CALN1: variants seen among roughly 807,000 people sequenced by gnomAD.
CALN1 encodes calneuron 1.
CALN1 carries 17 observed loss-of-function variants against 30.6 expected under a neutral mutation model. That is an observed-to-expected ratio of 0.56 (90% CI 0.38 to 0.83). CALN1 has a LOEUF of 0.83. Ranked by LOEUF, CALN1 falls within the 40% of genes least tolerant of loss-of-function variation. CALN1 has a pLI of 0.00. For missense variants in CALN1, 291 were observed against 354.9 expected, an observed-to-expected ratio of 0.82 and a Z score of 1.45; for synonymous variants, 156 against 131.4, an observed-to-expected ratio of 1.19 and a Z score of -1.28.
chr7:72,463,526 T>C, the CALN1 span, among the ~76,000 whole-genome samples: 3 of 152,254 alleles, frequency 2.0e-5, no homozygotes, highest in Admixed American at 6.5e-5. Flanking sequence ...CCCCCCAACA[T>C]TGGAGTTTTG....
chr7:72,060,657 G>A (rs1803583984), intron 4 of CALN1, among the ~76,000 whole-genome samples: 1 of 152,194 alleles, frequency 6.6e-6, no homozygotes, highest in African/African-American at 2.4e-5. Context: ...TGTGGGAGAT[G>A]TTGGATCATG....
chr7:71,826,727 T>C (rs1363297323), intron 5 of CALN1, among the ~76,000 whole-genome samples: 1 of 152,136 alleles, frequency 6.6e-6, no homozygotes, highest in East Asian at 1.9e-4. Flanking sequence ...TTCCTACAGG[T>C]CTCGCCCAAT....
intron 5 of CALN1, among the ~76,000 whole-genome samples, chr7:72,020,343 T>C (rs1486716716): frequency 2.0e-5 from 3 of 152,176 alleles, no homozygotes; most frequent in Non-Finnish European, 4.4e-5. Flanking sequence ...TATATATATG[T>C]GCACACACAC....
intron 3 of CALN1, among the ~76,000 whole-genome samples, chr7:72,209,535 TCTCCGCCCTCCGTTC>T (rs1792231551): frequency 3.2e-5 from 3 of 94,468 alleles, no homozygotes; most frequent in African/African-American, 6.9e-5. Context: ...TCCCTCCCTC[TCTCCGCCCTCCGTTC>T]CTCCCTCTCT....
At chr7:72,065,705 A>C (rs1418036187) in intron 4 of CALN1, among the ~76,000 whole-genome samples, 2 of 152,074 alleles carry the variant, frequency 1.3e-5, no homozygotes, top group African/African-American at 4.8e-5. Flanking sequence ...CAGCCTGGCC[A>C]ATGTGGTGAA....
intron 3 of CALN1, among the ~76,000 whole-genome samples, chr7:72,267,900 G>C (rs913134180): frequency 2.0e-5 from 3 of 152,158 alleles, no homozygotes; most frequent in African/African-American, 7.2e-5. Context: ...TCAGCTACTC[G>C]GGAGGCTGAG....
chr7:71,861,618 A>T (rs1319482101), intron 5 of CALN1, among the ~76,000 whole-genome samples: 1 of 151,956 alleles, frequency 6.6e-6, no homozygotes, highest in East Asian at 1.9e-4. Flanking sequence ...CTACGAAAAA[A>T]AAAATTACAA....
intron 5 of CALN1, among the ~76,000 whole-genome samples, chr7:71,985,532 T>A (rs1217871279): frequency 6.6e-6 from 1 of 151,770 alleles, no homozygotes; most frequent in Admixed American, 6.6e-5. Flanking sequence ...ACTAAAGATA[T>A]GTATTCCCAA....
In CALN1 at chr7:71,779,677, T is replaced by A. The variant is rs898745294; in HGVS notation, c.*8098A>T. The A allele has an allele frequency of 6.6e-6, 1 of 152,204 alleles. No individual in the cohort carries two copies. The allele number at this position is 152,204 out of a possible 1,614,324, so 9.4% of individuals were successfully genotyped here. A position where few individuals can be genotyped will look rare whatever the true frequency, so the allele number is the denominator to read the frequency against. On this transcript the variant is annotated 3_prime_UTR_variant, in exon 7 of 7. Transcript: ENST00000395275. ...TACTTCATTTGATCGGTAAGTTGCA[T>A]GCTAAGTTAATTTATATTAATATGT...
intron 5 of CALN1, among the ~76,000 whole-genome samples, chr7:71,977,932 T>TAAA (rs59155068): frequency 2.8e-4 from 33 of 118,704 alleles, no homozygotes; most frequent in African/African-American, 9.2e-4. Flanking sequence ...ACTCTGTCTT[T>TAAA]AAAAAAAAAA....
At chr7:72,063,857 C>A (rs550303319) in intron 4 of CALN1, among the ~76,000 whole-genome samples, 3 of 152,234 alleles carry the variant, frequency 2.0e-5, no homozygotes, top group South Asian at 2.1e-4. Context: ...CACCCCCACC[C>A]CCAAAATAAA....
chr7:72,502,972 G>T, the CALN1 span, among the ~76,000 whole-genome samples: 1 of 152,076 alleles, frequency 6.6e-6, no homozygotes, highest in Admixed American at 6.6e-5. Flanking sequence ...GGCCAACATG[G>T]CAAAACCCCG....
intron 2 of CALN1, among the ~76,000 whole-genome samples, chr7:72,381,434 C>G (rs1804892258): frequency 6.6e-6 from 1 of 152,186 alleles, no homozygotes; most frequent in South Asian, 2.1e-4. Flanking sequence ...TTGGAACCAA[C>G]CCAAATGCCC....
chr7:72,444,715 G>GC (rs1203121929), intron 1 of CALN1, among the ~76,000 whole-genome samples: 1 of 152,126 alleles, frequency 6.6e-6, no homozygotes, highest in African/African-American at 2.4e-5. Flanking sequence ...ATTGAAAGAA[G>GC]AGATACTCCT....
chr7:71,830,177 G>A (rs2116404121), intron 5 of CALN1, among the ~76,000 whole-genome samples: 1 of 151,874 alleles, frequency 6.6e-6, no homozygotes, highest in Middle Eastern at 3.4e-3. Context: ...CCGAATAGCT[G>A]GGATTACAGC....
chr7:72,034,722 A>G (rs1374419997), intron 4 of CALN1, among the ~76,000 whole-genome samples: 10 of 141,392 alleles, frequency 7.1e-5, no homozygotes, highest in African/African-American at 2.4e-4. Context: ...TGGGAGGCGG[A>G]GATTGTGGTG....
At chr7:71,910,206 A>G (rs1438591232) in intron 5 of CALN1, among the ~76,000 whole-genome samples, 1 of 152,210 alleles carries the variant, frequency 6.6e-6, no homozygotes, top group Non-Finnish European at 1.5e-5. Context: ...CAGAGATTCT[A>G]TCATCTTATG....
chr7:72,075,852 A>G (rs1353439862), intron 4 of CALN1, among the ~76,000 whole-genome samples: 1 of 152,178 alleles, frequency 6.6e-6, no homozygotes, highest in Non-Finnish European at 1.5e-5. Context: ...AGGGGAAGCT[A>G]AACAGCAGAG....
At chr7:72,420,943 G>T (rs915970403) in intron 1 of CALN1, among the ~76,000 whole-genome samples, 3 of 151,874 alleles carry the variant, frequency 2.0e-5, no homozygotes, top group African/African-American at 7.3e-5. Context: ...CATCTGCAAG[G>T]GCCTTTTTCA....
Sources: allele counts gnomAD v4.1 joint callset (sites outside exome capture counted in the v4.1 genomes callset), GRCh38; gene constraint gnomAD v4.1.1; transcripts MANE v1.5; gene names NCBI Gene and HGNC (gene_info 2026-07-23, HGNC 2026-07-21).